EHF: variants seen among roughly 807,000 people sequenced by gnomAD.
EHF encodes the protein ETS homologous factor, also known as ESE3 transcription factor.
A neutral mutation model predicts 45.1 loss-of-function variants in EHF; 14 were observed. The ratio of observed to expected loss-of-function variants is 0.31; its 90% CI spans 0.21 to 0.49. The LOEUF is 0.49. Ranked by LOEUF, EHF falls within the 20% of genes least tolerant of loss-of-function variation. The pLI is 0.99. For synonymous variants in EHF, 136 were observed against 131.8 expected, an observed-to-expected ratio of 1.03 and a Z score of -0.22; for missense variants, 282 against 371.4, an observed-to-expected ratio of 0.76 and a Z score of 1.98.
At chr11:34,630,563 G>A (rs1446662590) in intron 1 of EHF, among the ~76,000 whole-genome samples, 3 of 151,936 alleles carry the variant, frequency 2.0e-5, no homozygotes, top group African/African-American at 7.3e-5. Flanking sequence ...TTCCTAGGAG[G>A]AAACTTGACT....
chr11:34,651,172 C>A (rs530234177), intron 4 of EHF, among the ~76,000 whole-genome samples: 4 of 150,936 alleles, frequency 2.7e-5, no homozygotes, highest in Non-Finnish European at 5.9e-5. Flanking sequence ...CCTTCCCCCC[C>A]ACCACACTCT....
intron 7 of EHF, among the ~76,000 whole-genome samples, chr11:34,657,252 G>A (rs1413686037): frequency 5.0e-3 from 2 of 402 alleles, no homozygotes; most frequent in East Asian, 0.12. Context: ...CAGGCATGGG[G>A]TTGGCAATTT....
intron 3 of EHF, among the ~76,000 whole-genome samples, chr11:34,647,827 T>C (rs1854727802): frequency 6.6e-6 from 1 of 152,222 alleles, no homozygotes; most frequent in Non-Finnish European, 1.5e-5. Context: ...TGGCTGCTCT[T>C]TTTTCTTTGA....
chr11:34,651,875 C>G, intron 6 of EHF, 70 bp downstream of exon 6: 1 of 1,407,686 alleles, frequency 7.1e-7, no homozygotes, highest in Non-Finnish European at 9.8e-7. Context: ...ATTACCAACA[C>G]TCTACATTTC....
intron 1 of EHF, among the ~76,000 whole-genome samples, chr11:34,628,443 A>G (rs1590409484): frequency 6.6e-6 from 1 of 152,226 alleles, no homozygotes; most frequent in East Asian, 1.9e-4. Flanking sequence ...GATCCATCGT[A>G]CAGATGAAAG....
At chr11:34,658,500 T>A (rs1323661568) in intron 7 of EHF, 33 bp from the exon 8 acceptor site, 5 of 1,586,900 alleles carry the variant, frequency 3.2e-6, no homozygotes, top group South Asian at 1.1e-5. Flanking sequence ...GTGACTTAGA[T>A]CATTAGTAAC....
intron 1 of EHF, among the ~76,000 whole-genome samples, chr11:34,625,994 A>G (rs1184891670): frequency 6.6e-6 from 1 of 152,278 alleles, no homozygotes; most frequent in Non-Finnish European, 1.5e-5. Flanking sequence ...AAAAATAAAA[A>G]GAAACCAAAA....
intron 1 of EHF, among the ~76,000 whole-genome samples, chr11:34,632,311 C>T (rs1227067486): frequency 2.6e-5 from 4 of 152,100 alleles, no homozygotes; most frequent in African/African-American, 4.8e-5. Context: ...GGGCTTATAC[C>T]CTCTGGGAGG....
In EHF at chr11:34,660,377, T is replaced by C. The variant is rs927982484; in HGVS notation, c.*1446T>C. ...TGTCTTTTGGATTATCTGTTTACTGTCTCATCTGAACTGATCCCAGGTGAA... is the reference window on the plus strand; with the variant it reads ...TGTCTTTTGGATTATCTGTTTACTGCCTCATCTGAACTGATCCCAGGTGAA... On this transcript the variant is annotated 3_prime_UTR_variant, in exon 9 of 9. Coordinates refer to ENST00000257831, the MANE Select transcript of EHF (RefSeq NM_012153.6). The C allele has an allele frequency of 6.6e-6, 1 of 152,166 alleles. No individual in the cohort carries two copies. Among genetic ancestry groups the C allele is most frequent in the Non-Finnish European group, 1.5e-5 (1 of 68,004 alleles). 9.4% of individuals were successfully genotyped at this position (152,166 alleles called of 1,614,324 possible). A position where few individuals can be genotyped will look rare whatever the true frequency, so the allele number is the denominator to read the frequency against.
chr11:34,655,631 T>C (rs1182435330), intron 6 of EHF, among the ~76,000 whole-genome samples: 1 of 152,216 alleles, frequency 6.6e-6, no homozygotes. Flanking sequence ...AAACTGTGGA[T>C]CATATTAGTA....
At chr11:34,651,141 A>G (rs1187221379) in intron 4 of EHF, among the ~76,000 whole-genome samples, 1 of 140,272 alleles carries the variant, frequency 7.1e-6, no homozygotes, top group Admixed American at 7.3e-5. Flanking sequence ...ATACATTTAA[A>G]TAAATTAATC....
Position 34,656,959 on chromosome 11 carries a change from C to G in EHF, c.596C>G (p.Thr199Ser), listed in dbSNP as rs775674003. The change falls in exon 7 of 9, where the codon ACC (threonine) becomes AGC (serine). Residue 199 changes from threonine (T) to serine (S), a missense_variant. Coordinates refer to ENST00000257831, the MANE Select transcript of EHF (RefSeq NM_012153.6). ...CAAGACCCCCCTGCCAAGTGCCACA[C>G]CAAAAAGCACAGTAAGTTGGCTGGC... is the stretch of plus-strand genomic sequence containing the variant. Reference protein sequence around the residue: ...KEQDPPAKCHTKKHNPRGTHL... With the variant: ...KEQDPPAKCHSKKHNPRGTHL... The G allele has an allele frequency of 4.3e-6, 7 of 1,613,480 alleles. No homozygotes were observed. The highest frequency in any genetic ancestry group is 3.3e-5 in the Admixed American group (2 of 59,966).
chr11:34,656,745 T>C (rs1017910215), intron 6 of EHF, among the ~76,000 whole-genome samples, 163 bp from the exon 7 acceptor site: 2 of 152,216 alleles, frequency 1.3e-5, no homozygotes, highest in Admixed American at 6.5e-5. Context: ...TTTTTCTCCA[T>C]AGCATTTATC....
chr11:34,653,175 T>TCCTTCCATCCTTCCAC (rs1855360607), intron 6 of EHF, among the ~76,000 whole-genome samples: 1 of 69,184 alleles, frequency 1.4e-5, no homozygotes, highest in African/African-American at 4.7e-5. Context: ...CATCCTTCCA[T>TCCTTCCATCCTTCCAC]CCTTCCATCC....
intron 4 of EHF, among the ~76,000 whole-genome samples, chr11:34,650,790 G>T (rs1855077891): frequency 6.6e-6 from 1 of 152,186 alleles, no homozygotes; most frequent in Non-Finnish European, 1.5e-5. Flanking sequence ...GAAATCTGAA[G>T]AGTCAGTCAA....
At chr11:34,623,771 C>T (rs1412255159) in intron 1 of EHF, among the ~76,000 whole-genome samples, 2 of 152,100 alleles carry the variant, frequency 1.3e-5, no homozygotes, top group African/African-American at 2.4e-5. Context: ...CTTTCCCATG[C>T]CCCCGACCCA....
intron 1 of EHF, among the ~76,000 whole-genome samples, chr11:34,627,143 T>TGTGG (rs1491021778): frequency 6.9e-6 from 1 of 145,088 alleles, no homozygotes; most frequent in Non-Finnish European, 1.5e-5. Flanking sequence ...TGTGTGTGTG[T>TGTGG]GGCGATCAAC....
At chr11:34,626,357 G>C (rs1852374985) in intron 1 of EHF, among the ~76,000 whole-genome samples, 1 of 152,194 alleles carries the variant, frequency 6.6e-6, no homozygotes, top group South Asian at 2.1e-4. Context: ...GAGCAATGGA[G>C]ATTGGAGAAT....
At chr11:34,643,733 G>T (rs947727087) in intron 2 of EHF, among the ~76,000 whole-genome samples, 1 of 152,160 alleles carries the variant, frequency 6.6e-6, no homozygotes, top group African/African-American at 2.4e-5. Context: ...CTGGGCAGTT[G>T]CATTTTCTGT....
Sources: allele counts gnomAD v4.1 joint callset (sites outside exome capture counted in the v4.1 genomes callset), GRCh38; gene constraint gnomAD v4.1.1; transcripts MANE v1.5; gene names NCBI Gene and HGNC (gene_info 2026-07-23, HGNC 2026-07-21).